ZNF407: variants seen among roughly 807,000 people sequenced by gnomAD.
ZNF407 encodes the protein zinc finger protein 407.
In ZNF407, 17 loss-of-function variants were observed where a neutral mutation model predicts 131.2. The observed-to-expected ratio is 0.13, with a 90% CI of 0.09 to 0.19. The LOEUF is 0.19. ZNF407 is among the 10% of genes least tolerant of loss of function. The probability of loss-of-function intolerance (pLI) is 1.00; values close to 1 mark genes in which losing one functional copy is unlikely to be tolerated. For synonymous variants in ZNF407, 1,156 were observed against 1,062.0 expected (o/e 1.09, Z -1.72); for missense variants, 2,681 against 2,830.6 (o/e 0.95, Z 1.20).
chr18:74,611,655 G>A (rs992658593), intron 1 of ZNF407, among the ~76,000 whole-genome samples: 1 of 152,160 alleles, frequency 6.6e-6, no homozygotes, highest in Non-Finnish European at 1.5e-5. Flanking sequence ...GAAGTGATAG[G>A]CTGCCTTTGG....
intron 1 of ZNF407, among the ~76,000 whole-genome samples, chr18:74,599,929 A>C (rs1005672941): frequency 6.6e-6 from 1 of 152,206 alleles, no homozygotes; most frequent in Admixed American, 6.5e-5. Flanking sequence ...TTAGGAATGC[A>C]CTGTGGTCCT....
intron 8 of ZNF407, among the ~76,000 whole-genome samples, chr18:75,000,210 T>A (rs1182042995): frequency 6.6e-6 from 1 of 152,204 alleles, no homozygotes; most frequent in Non-Finnish European, 1.5e-5. Context: ...GAGAGCGATG[T>A]TTTTACTGGA....
Position 74,852,042 on chromosome 18 carries a change from CCAGGGACACATTGTCACGGGAG to C in ZNF407, c.4878-25152_4878-25131del, listed in dbSNP as rs1413850336. 6.6e-5 allele frequency among the ~76,000 whole-genome samples: 10 copies of C among 152,268 alleles called. No homozygotes were observed. The East Asian group carries it at 1.9e-3, about 29-fold the overall frequency. The stretch of plus-strand genomic sequence containing the variant: ...TCATAGAGGCATCTCCTGCTCCACT[CCAGGGACACATTGTCACGGGAG>C]CATGGACAGGCGCCTACCGCGGCAG... On this transcript the variant is annotated intron_variant, in intron 4 of 8. Transcript: ENST00000299687.
At chr18:74,652,400 T>C (rs1006723211) in intron 3 of ZNF407, among the ~76,000 whole-genome samples, 21 of 152,080 alleles carry the variant, frequency 1.4e-4, no homozygotes, top group Non-Finnish European at 2.5e-4. Flanking sequence ...CCTTTTCCTG[T>C]TTAAACTAAA....
At chr18:74,829,717 C>CT (rs963353466) in intron 4 of ZNF407, among the ~76,000 whole-genome samples, 11 of 151,684 alleles carry the variant, frequency 7.3e-5, no homozygotes, top group East Asian at 1.9e-4. Flanking sequence ...TTTTTGTTTG[C>CT]TTTTTTTATA....
rs180825409 is a variant in ZNF407, at chr18:74,901,943, A to G, written c.5249+11905A>G. On this transcript the variant is annotated intron_variant, in intron 7 of 8. Transcript: ENST00000299687. ...TTTTTTTTTTTAGTTTAAAAGTGGA[A>G]TATGTGTTTTCCTTAGCTGTAAAAG... 5.9e-5 allele frequency among the ~76,000 whole-genome samples: 9 copies of G among 151,664 alleles called. No homozygotes were observed. The East Asian group carries it at 9.7e-4, about 16-fold the overall frequency.
Position 74,981,388 on chromosome 18 carries a change from C to T in ZNF407, c.5428+60696C>T, listed in dbSNP as rs74374346. Among the ~76,000 whole-genome samples the T allele has an allele frequency of 4.1e-3, 617 of 152,338 alleles. 2 individuals are homozygous for T. Among genetic ancestry groups the T allele is most frequent in the African/African-American group, 0.014 (588 of 41,574 alleles). On this transcript the variant is annotated intron_variant, in intron 8 of 8. Transcript: ENST00000299687. ...GACAGGTTCTGTCAAATGCTCATAA[C>T]TCAATATCACTCTGCTCGAGACCCG...
At chr18:74,792,810 T>A (rs1301225796) in intron 4 of ZNF407, among the ~76,000 whole-genome samples, 1 of 152,184 alleles carries the variant, frequency 6.6e-6, no homozygotes, top group Non-Finnish European at 1.5e-5. Context: ...GGAACATAAC[T>A]GTGTGAAATC....
intron 3 of ZNF407, among the ~76,000 whole-genome samples, chr18:74,738,398 C>T (rs748137769): frequency 1.2e-4 from 13 of 107,702 alleles, no homozygotes; most frequent in Admixed American, 4.0e-4. Flanking sequence ...CCAGCCTGGA[C>T]GACAGAGTGA....
chr18:75,015,094 CT>C (rs1029996727), intron 8 of ZNF407, among the ~76,000 whole-genome samples: 1 of 152,020 alleles, frequency 6.6e-6, no homozygotes, highest in Non-Finnish European at 1.5e-5. Context: ...TTGCCTTTTG[CT>C]TTTGCTGTCA....
chr18:74,755,559 C>CCTT lies in ZNF407; in HGVS notation c.4803-25867_4803-25865dup. Among the ~76,000 whole-genome samples the CCTT allele has an allele frequency of 2.9e-4, 20 of 69,974 alleles. No individual in the cohort carries two copies. The Admixed American group carries it at 3.8e-3, about 13-fold the overall frequency. 45.9% of individuals were successfully genotyped at this position (69,974 alleles called of 152,430 possible). On this transcript the variant is annotated intron_variant, in intron 3 of 8. Transcript: ENST00000299687. ...TCTCTCCCTCCCTCCCTTCCTTCTT[C>CCTT]CTTCCTTCCTTCCTCCTTTCTGGTT...
chr18:74,912,313 C>T (rs1192236202), intron 7 of ZNF407, among the ~76,000 whole-genome samples: 2 of 152,036 alleles, frequency 1.3e-5, no homozygotes, highest in East Asian at 1.9e-4. Context: ...CAGCTGACAA[C>T]CACTGTCCCG....
At chr18:75,047,587 G>A (rs1412799113) in intron 8 of ZNF407, among the ~76,000 whole-genome samples, 4 of 152,152 alleles carry the variant, frequency 2.6e-5, no homozygotes, top group Non-Finnish European at 5.9e-5. Context: ...GTACTTCCTG[G>A]AATTTCTGTT....
intron 1 of ZNF407, among the ~76,000 whole-genome samples, chr18:74,609,514 G>T (rs892591661): frequency 1.3e-5 from 2 of 152,016 alleles, no homozygotes; most frequent in African/African-American, 4.8e-5. Flanking sequence ...TGGTATAAAA[G>T]ATAAAAAAAA....
chr18:74,927,532 G>C (rs1040964181), intron 8 of ZNF407, among the ~76,000 whole-genome samples: 1 of 152,222 alleles, frequency 6.6e-6, no homozygotes, highest in Non-Finnish European at 1.5e-5. Flanking sequence ...CTAGGTTTCA[G>C]GATGAACTTT....
At chr18:74,982,106 G>A (rs1009937451) in intron 8 of ZNF407, among the ~76,000 whole-genome samples, 2 of 152,194 alleles carry the variant, frequency 1.3e-5, no homozygotes, top group African/African-American at 4.8e-5. Flanking sequence ...CATTGTTAAA[G>A]GTGATCTAGG....
chr18:74,701,528 G>A (rs1271149114), intron 3 of ZNF407, among the ~76,000 whole-genome samples: 1 of 152,152 alleles, frequency 6.6e-6, no homozygotes, highest in Non-Finnish European at 1.5e-5. Flanking sequence ...CTGGGATCAA[G>A]AAACAAACGA....
At chr18:74,668,563 T>C (rs975695226) in intron 3 of ZNF407, among the ~76,000 whole-genome samples, 1 of 152,220 alleles carries the variant, frequency 6.6e-6, no homozygotes, top group African/African-American at 2.4e-5. Context: ...CTTTTCTGCT[T>C]TGTCGAGACC....
chr18:74,864,866 G>T (rs560173494), intron 4 of ZNF407, among the ~76,000 whole-genome samples: 4 of 152,182 alleles, frequency 2.6e-5, no homozygotes, highest in Non-Finnish European at 5.9e-5. Flanking sequence ...AGCCTGTCTG[G>T]TCTCTAAAGT....
Sources: allele counts gnomAD v4.1 joint callset (sites outside exome capture counted in the v4.1 genomes callset), GRCh38; gene constraint gnomAD v4.1.1; transcripts MANE v1.5; gene names NCBI Gene and HGNC (gene_info 2026-07-23, HGNC 2026-07-21).